TOGARAM2: variants seen among roughly 807,000 people sequenced by gnomAD.
TOGARAM2 encodes TOG array regulator of axonemal microtubules 2.
TOGARAM2 carries 85 observed loss-of-function variants against 93.3 expected under a neutral mutation model. That is an observed-to-expected ratio of 0.91 (90% CI 0.76 to 1.09). The LOEUF (loss-of-function observed/expected upper bound fraction) is 1.09, where lower values mean the gene tolerates loss of function less well. TOGARAM2 is among the 50% of genes least tolerant of loss of function. The probability of loss-of-function intolerance (pLI) is 0.00; values close to 1 mark genes in which losing one functional copy is unlikely to be tolerated. For synonymous variants in TOGARAM2, 593 were observed against 552.8 expected (o/e 1.07, Z -1.02); for missense variants, 1,277 against 1,334.5 (o/e 0.96, Z 0.67).
intron 1 of TOGARAM2, among the ~76,000 whole-genome samples, chr2:28,968,895 T>G (rs1020221401): frequency 2.0e-5 from 3 of 149,904 alleles, no homozygotes; most frequent in African/African-American, 4.9e-5. Context: ...AGTACTCCCC[T>G]GTATTACCCT....
intron 11 of TOGARAM2, among the ~76,000 whole-genome samples, chr2:29,022,794 T>C (rs567414808): frequency 6.6e-6 from 1 of 152,172 alleles, no homozygotes; most frequent in South Asian, 2.1e-4. Context: ...TTATTGAAGG[T>C]GTTGGCTTTG....
At chr2:29,023,659 G>T (rs1665126098) in intron 12 of TOGARAM2, among the ~76,000 whole-genome samples, 1 of 152,182 alleles carries the variant, frequency 6.6e-6, no homozygotes, top group African/African-American at 2.4e-5. Flanking sequence ...GGGTGGGGAT[G>T]AATACGGAGG....
chr2:29,002,510 G>A, intron 4 of TOGARAM2, 26 bp from the exon 5 acceptor site: 1 of 1,600,068 alleles, frequency 6.2e-7, no homozygotes, highest in South Asian at 1.1e-5. Flanking sequence ...GGGACTAACT[G>A]ATTTCCCATC....
At chr2:29,011,407 C>T (rs766704271) in intron 6 of TOGARAM2, 48 bp from the exon 7 acceptor site, 1 of 1,594,414 alleles carries the variant, frequency 6.3e-7, no homozygotes, top group African/African-American at 1.3e-5. Flanking sequence ...AGCAGTGTCT[C>T]TGGCTGGCCA....
At chr2:29,011,574 A>C in intron 7 of TOGARAM2, 73 bp downstream of exon 7, 1 of 1,427,592 alleles carries the variant, frequency 7.0e-7, no homozygotes, top group Non-Finnish European at 9.5e-7. Flanking sequence ...AGGGAAACAG[A>C]ATTAGGGCCA....
intron 19 of TOGARAM2, chr2:29,049,576 T>C (rs1448058645): frequency 6.6e-6 from 1 of 152,286 alleles, no homozygotes; most frequent in Non-Finnish European, 1.5e-5. Flanking sequence ...CCTTCTAGTT[T>C]CCCCTCATCT....
Position 28,999,393 on chromosome 2 carries a change from G to T in TOGARAM2, c.352G>T (p.Ala118Ser). 2 of 1,613,376 alleles carry T rather than the reference G, an allele frequency of 1.2e-6. No individual in the cohort carries two copies. Among genetic ancestry groups the T allele is most frequent in the South Asian group, 2.2e-5 (2 of 90,866 alleles). The change falls in exon 4 of 20, where the codon GCC becomes TCC. Residue 118 changes from alanine (A) to serine (S), a missense_variant. Physicochemically the swap from Ala to Ser is moderately conservative, Grantham distance 99. Transcript: ENST00000379558. ...TCCGGAGTCAGAGGCCAACAGCGTG[G>T]CCAGGGACACCATCCAGATTAAGGA... The part of the protein sequence containing the change: ...PSPESEANSV[A>S]RDTIQIKDKL...
intron 2 of TOGARAM2, among the ~76,000 whole-genome samples, chr2:28,995,615 G>A (rs1364228825): frequency 6.6e-6 from 1 of 152,260 alleles, no homozygotes; most frequent in Non-Finnish European, 1.5e-5. Context: ...AGTGGGAGGT[G>A]CTGAGATCTT....
intron 14 of TOGARAM2, among the ~76,000 whole-genome samples, chr2:29,029,241 A>G (rs1553344396): frequency 6.8e-6 from 1 of 148,078 alleles, no homozygotes; most frequent in Non-Finnish European, 1.5e-5. Context: ...AGAAACTGTG[A>G]TATGTATGTA....
At chr2:29,006,092 TGGG>T (rs200864313) in intron 6 of TOGARAM2, among the ~76,000 whole-genome samples, 3 of 70,254 alleles carry the variant, frequency 4.3e-5, no homozygotes, top group South Asian at 4.7e-4. Context: ...TGTGTGTGTG[TGGG>T]GTGCATGTGT....
At chr2:28,975,594 C>A (rs1672016364) in intron 1 of TOGARAM2, among the ~76,000 whole-genome samples, 1 of 152,116 alleles carries the variant, frequency 6.6e-6, no homozygotes, top group Non-Finnish European at 1.5e-5. Context: ...GTTAGAGAAT[C>A]CTCAAATCTG....
chr2:29,010,208 G>A (rs1365078049), intron 6 of TOGARAM2, among the ~76,000 whole-genome samples: 3 of 152,266 alleles, frequency 2.0e-5, no homozygotes, highest in Non-Finnish European at 4.4e-5. Context: ...TGTGGACTTT[G>A]ATGCTCCACT....
chr2:29,033,313 C>T, intron 15 of TOGARAM2, 156 bp from the exon 16 acceptor site: 2 of 750,202 alleles, frequency 2.7e-6, no homozygotes, highest in Non-Finnish European at 4.4e-6. Context: ...GATCTCTGCC[C>T]CAGCTGCTTT....
chr2:28,989,037 T>G (rs1242358564), intron 1 of TOGARAM2, among the ~76,000 whole-genome samples: 1 of 152,216 alleles, frequency 6.6e-6, no homozygotes, highest in African/African-American at 2.4e-5. Context: ...GGGCACTCTC[T>G]TGTGGTCAGG....
intron 1 of TOGARAM2, among the ~76,000 whole-genome samples, chr2:28,962,071 AATC>A (rs1203482000): frequency 6.6e-6 from 1 of 152,212 alleles, no homozygotes; most frequent in Non-Finnish European, 1.5e-5. Flanking sequence ...AATTAAAAAA[AATC>A]ATCATTAAGG....
At chr2:29,035,826 C>T (rs1030287666) in intron 17 of TOGARAM2, among the ~76,000 whole-genome samples, 170 bp downstream of exon 17, 4 of 152,220 alleles carry the variant, frequency 2.6e-5, no homozygotes, top group African/African-American at 9.7e-5. Flanking sequence ...GGCACCGCCT[C>T]CTGCCGGCAG....
intron 5 of TOGARAM2, 119 bp from the exon 6 acceptor site, chr2:29,003,373 C>T: frequency 3.7e-6 from 3 of 819,582 alleles, no homozygotes; most frequent in Non-Finnish European, 5.2e-6. Flanking sequence ...TTCTGGGGGT[C>T]CCAGGGTGGT....
At chr2:29,020,278 T>G (rs935049984) in intron 10 of TOGARAM2, among the ~76,000 whole-genome samples, 7 of 152,146 alleles carry the variant, frequency 4.6e-5, no homozygotes, top group Non-Finnish European at 1.0e-4. Flanking sequence ...GGTTACAGAT[T>G]GGGAGTGGCT....
chr2:29,014,659 C>A, intron 8 of TOGARAM2, 98 bp downstream of exon 8: 1 of 1,447,326 alleles, frequency 6.9e-7, no homozygotes, highest in Non-Finnish European at 9.2e-7. Context: ...GTGGGACCAG[C>A]CACAGAGCAG....
Sources: gnomAD v4.1 joint callset for allele counts (sites outside exome capture counted in the v4.1 genomes callset) on GRCh38, gnomAD v4.1.1 for gene constraint, MANE v1.5 for transcripts, NCBI Gene and HGNC (gene_info 2026-07-23, HGNC 2026-07-21) for gene names.